Variants in SMCO4 observed in about 807,000 individuals in gnomAD.
The protein encoded by SMCO4 is single-pass membrane protein with coiled-coil domains 4.
SMCO4 carries 4 observed loss-of-function variants against 3.6 expected under a neutral mutation model. The observed-to-expected ratio is 1.11, with a 90% CI of 0.54 to 2.53. SMCO4 has a LOEUF of 2.53. SMCO4 is among the 30% of genes most tolerant of loss of function. The probability of loss-of-function intolerance (pLI) is 0.02; values close to 1 mark genes in which losing one functional copy is unlikely to be tolerated. For missense variants in SMCO4, 70 were observed against 80.8 expected, an observed-to-expected ratio of 0.87 and a Z score of 0.51; for synonymous variants, 36 against 35.3, an observed-to-expected ratio of 1.02 and a Z score of -0.07.
chr11:93,509,396 A>C (rs1032639087), intron 1 of SMCO4, among the ~76,000 whole-genome samples: 2 of 152,204 alleles, frequency 1.3e-5, no homozygotes, highest in Non-Finnish European at 2.9e-5. Context: ...ACCACTATGG[A>C]AAACAGTGTG....
chr11:93,498,608 A>C (rs58336329), intron 2 of SMCO4, among the ~76,000 whole-genome samples: 29,566 of 152,212 alleles, frequency 0.19, 3,188 homozygotes, highest in East Asian at 0.4. Context: ...ATCAAATGTG[A>C]AAAAAAAGTA....
intron 2 of SMCO4, among the ~76,000 whole-genome samples, chr11:93,482,437 G>A (rs115080030): frequency 0.011 from 1,611 of 152,288 alleles, 30 homozygotes; most frequent in African/African-American, 0.037. Context: ...CAGGAGCTGG[G>A]TCTGGGCTGA....
chr11:93,526,644 C>G (rs1327742854), intron 1 of SMCO4, among the ~76,000 whole-genome samples: 2 of 152,188 alleles, frequency 1.3e-5, no homozygotes, highest in African/African-American at 4.8e-5. Flanking sequence ...CAAGGTCAGC[C>G]CCACTGTTCT....
chr11:93,498,378 G>A (rs1055855227), intron 2 of SMCO4, among the ~76,000 whole-genome samples: 43 of 152,164 alleles, frequency 2.8e-4, no homozygotes, highest in African/African-American at 8.9e-4. Context: ...TGAAGCAGTC[G>A]AGAGCATGGC....
At chr11:93,500,729 G>C (rs1389478945) in intron 1 of SMCO4, among the ~76,000 whole-genome samples, 3 of 152,184 alleles carry the variant, frequency 2.0e-5, no homozygotes, top group African/African-American at 7.2e-5. Flanking sequence ...TTAAAATTGG[G>C]CTCCAGAGGA....
rs190630330 is a variant in SMCO4 at position 93,478,994 on chromosome 11, C to T, written c.*16G>A. 2.3e-4 allele frequency: 372 copies of T among 1,590,396 alleles called. 1 individual carries two copies. Among genetic ancestry groups the T allele is most frequent in the East Asian group, 2.0e-3 (89 of 44,390 alleles). ...CTCCTCTCCCTGCCGATGGGGTCCG[C>T]AGCCGGCTGCGGGGCTCACTCGGTG... On this transcript the variant is annotated 3_prime_UTR_variant, in exon 3 of 3. Coordinates refer to ENST00000298966, the MANE Select transcript of SMCO4 (RefSeq NM_020179.3).
intron 2 of SMCO4, among the ~76,000 whole-genome samples, chr11:93,484,648 C>A (rs1324088053): frequency 6.6e-6 from 1 of 151,646 alleles, no homozygotes; most frequent in African/African-American, 2.4e-5. Flanking sequence ...GAGGTCTGTG[C>A]TGTGGAGATG....
At chr11:93,551,925 C>T in the SMCO4 span, among the ~76,000 whole-genome samples, 1 of 152,120 alleles carries the variant, frequency 6.6e-6, no homozygotes, top group South Asian at 2.1e-4. Context: ...CATCTGGTAT[C>T]GCTTTGATTG....
chr11:93,523,916 CA>C (rs1949082701), intron 1 of SMCO4, among the ~76,000 whole-genome samples: 1 of 152,036 alleles, frequency 6.6e-6, no homozygotes, highest in South Asian at 2.1e-4. Context: ...ATTCCAAAAC[CA>C]AAAGAATGAG....
At chr11:93,481,354 A>AC in intron 2 of SMCO4, 3 of 839,962 alleles carry the variant, frequency 3.6e-6, no homozygotes, top group Non-Finnish European at 4.3e-6. Flanking sequence ...AGACATCTCC[A>AC]CCCATACCCG....
At chr11:93,494,764 A>C (rs1356219300) in intron 2 of SMCO4, among the ~76,000 whole-genome samples, 3 of 152,188 alleles carry the variant, frequency 2.0e-5, no homozygotes, top group Admixed American at 2.0e-4. Context: ...CTTTCAGGAG[A>C]AGTCTTAGTA....
At chr11:93,548,588 C>G in the SMCO4 span, among the ~76,000 whole-genome samples, 1 of 152,202 alleles carries the variant, frequency 6.6e-6, no homozygotes. Context: ...GCCAGAATCA[C>G]ATCTGTGGCT....
intron 1 of SMCO4, among the ~76,000 whole-genome samples, chr11:93,513,684 T>C (rs1042474465): frequency 6.6e-6 from 1 of 152,226 alleles, no homozygotes; most frequent in Non-Finnish European, 1.5e-5. Context: ...ACTGGACTCC[T>C]CAGTGGAAGA....
chr11:93,490,441 T>A (rs1031295950), intron 2 of SMCO4, among the ~76,000 whole-genome samples: 6 of 152,196 alleles, frequency 3.9e-5, no homozygotes, highest in Non-Finnish European at 8.8e-5. Flanking sequence ...CGGCAGCACA[T>A]GCAACACAAA....
Position 93,535,715 on chromosome 11 carries a change from A to T in SMCO4, c.-154+7561T>A, listed in dbSNP as rs117746203. 2.5e-5 allele frequency: 41 copies of T among 1,613,906 alleles called. No homozygotes were observed. The East Asian group carries it at 8.2e-4, about 32-fold the overall frequency. ...GAAGTGAATAAGTTTCAGATGGCTT[A>T]TTCAAACCTCCTGAGAGCTAACATG... is the stretch of plus-strand genomic sequence containing the variant. On this transcript the variant is annotated intron_variant, in intron 1 of 2. Transcript: ENST00000298966.
intron 1 of SMCO4, among the ~76,000 whole-genome samples, chr11:93,533,603 A>G (rs11020406): frequency 0.5 from 75,230 of 151,824 alleles, 18,984 homozygotes; most frequent in South Asian, 0.56. Context: ...CAATCCCCTA[A>G]CCCTCAGTCT....
At chr11:93,522,782 C>T (rs1347937613) in intron 1 of SMCO4, among the ~76,000 whole-genome samples, 1 of 152,120 alleles carries the variant, frequency 6.6e-6, no homozygotes. Context: ...ATTTGCAATT[C>T]CCTTAGTGTC....
At chr11:93,504,674 A>G (rs1458595443) in intron 1 of SMCO4, among the ~76,000 whole-genome samples, 1 of 152,248 alleles carries the variant, frequency 6.6e-6, no homozygotes, top group Non-Finnish European at 1.5e-5. Context: ...CCACCAGACC[A>G]CAGGCCAATT....
At chr11:93,515,514 T>C (rs1234974154) in intron 1 of SMCO4, among the ~76,000 whole-genome samples, 1 of 152,218 alleles carries the variant, frequency 6.6e-6, no homozygotes, top group African/African-American at 2.4e-5. Context: ...CTCAGGACCC[T>C]TGGTTATAAG....
Sources: gnomAD v4.1 joint callset for allele counts (sites outside exome capture counted in the v4.1 genomes callset) on GRCh38, gnomAD v4.1.1 for gene constraint, MANE v1.5 for transcripts, NCBI Gene and HGNC (gene_info 2026-07-23, HGNC 2026-07-21) for gene names.